Variants in CCP110 observed in about 807,000 individuals in gnomAD.
CCP110 encodes centriolar coiled-coil protein of 110 kDa.
Under a neutral mutation model 105.5 loss-of-function variants are expected in CCP110, and 43 were observed. That is an observed-to-expected ratio of 0.41 (90% CI 0.32 to 0.53). CCP110 has a LOEUF of 0.53. Ranked by LOEUF, CCP110 falls within the 20% of genes least tolerant of loss-of-function variation. The pLI, the probability that CCP110 is intolerant of heterozygous loss-of-function variation, is 0.32. For missense variants in CCP110, 1,016 were observed against 1,189.1 expected (o/e 0.85, Z 2.14); for synonymous variants, 353 against 392.1 (o/e 0.90, Z 1.18).
exon 4 of CCP110, chr16:19,537,257 A>G (rs1970104764): frequency 1.2e-6 from 2 of 1,614,056 alleles, no homozygotes; most frequent in African/African-American, 1.3e-5. Context: ...GCCAGCCAGT[A>G]TGTTAGAGAA....
chr16:19,547,863 C>A, intron 12 of CCP110, 92 bp from the exon 13 acceptor site: 1 of 885,932 alleles, frequency 1.1e-6, no homozygotes, highest in African/African-American at 1.6e-5. Flanking sequence ...TTGACCTTTA[C>A]CTTACAGTCA....
At chr16:19,525,127 T>A (rs1467583167) in intron 1 of CCP110, 2 of 152,018 alleles carry the variant, frequency 1.3e-5, no homozygotes, top group African/African-American at 4.8e-5. Flanking sequence ...TTGGCGGAAC[T>A]GATGGGCAAA....
chr16:19,546,358 A>T (rs567930803), intron 11 of CCP110, 54 bp from the exon 12 acceptor site: 1 of 1,010,316 alleles, frequency 9.9e-7, no homozygotes, highest in South Asian at 1.4e-5. Flanking sequence ...ATTTGTAAGC[A>T]TGTTTTCTTC....
chr16:19,536,201 A>G, exon 4 of CCP110: 1 of 1,614,148 alleles, frequency 6.2e-7, no homozygotes, highest in Non-Finnish European at 8.5e-7. Flanking sequence ...TGATAGTTCC[A>G]ATATTAGTCA....
exon 15 of CCP110, chr16:19,552,008 C>T (rs1970656576): frequency 6.6e-6 from 1 of 152,218 alleles, no homozygotes; most frequent in African/African-American, 2.4e-5. Flanking sequence ...TGCATTATTA[C>T]ATCCATTTCT....
At chr16:19,547,889 TGAAAGAAAATGG>T (rs1970514364) in intron 12 of CCP110, 54 bp from the exon 13 acceptor site, 3 of 1,149,756 alleles carry the variant, frequency 2.6e-6, no homozygotes, top group Non-Finnish European at 4.0e-6. Context: ...TTTCATCCGT[TGAAAGAAAATGG>T]GAAAAAATGG....
chr16:19,527,735 T>G (rs567387783), intron 1 of CCP110, 132 bp from the exon 2 acceptor site: 2 of 553,788 alleles, frequency 3.6e-6, no homozygotes, highest in South Asian at 8.6e-5. Context: ...TCCTGATCAG[T>G]AAGACAATTC....
intron 2 of CCP110, 136 bp downstream of exon 2, chr16:19,528,158 C>T (rs1258033534): frequency 2.3e-5 from 16 of 693,378 alleles, no homozygotes; most frequent in Non-Finnish European, 3.4e-5. Flanking sequence ...AATGAATTAG[C>T]ATTTTTTACT....
intron 5 of CCP110, among the ~76,000 whole-genome samples, 162 bp downstream of exon 5, chr16:19,540,949 T>A (rs1230039081): frequency 6.6e-6 from 1 of 152,222 alleles, no homozygotes; most frequent in African/African-American, 2.4e-5. Context: ...AAATATGAAT[T>A]TTGATATTTA....
intron 1 of CCP110, among the ~76,000 whole-genome samples, chr16:19,524,310 C>T (rs985204766): frequency 6.6e-6 from 1 of 152,064 alleles, no homozygotes; most frequent in Non-Finnish European, 1.5e-5. Context: ...CTGGAGGGCC[C>T]TCGGTTTGGA....
exon 15 of CCP110, chr16:19,552,630 G>A (rs1053279436): frequency 7.9e-5 from 12 of 151,682 alleles, no homozygotes; most frequent in African/African-American, 2.9e-4. Context: ...TTTCCAAAAA[G>A]GGCTTTGTGC....
chr16:19,537,204 A>G lies in CCP110; in HGVS notation c.1535A>G (p.Gln512Arg), dbSNP rs151214000. Residue 512 changes from glutamine to arginine, a missense_variant, in exon 4 of 15, where the codon CAG becomes CGG. Coordinates refer to ENST00000381396, the Ensembl canonical transcript of CCP110. ...CTGCATGAACCATATGCCAGCAGTC[A>G]GTGTATAGCAAGTCCAAACTTTGGA... 1,251 of 1,614,204 alleles carry G rather than the reference A, an allele frequency of 7.7e-4. 1 individual carries two copies. The highest frequency in any genetic ancestry group is 9.5e-4 in the Non-Finnish European group (1,118 of 1,180,042).
chr16:19,544,220 A>T (rs1970386096), intron 8 of CCP110, among the ~76,000 whole-genome samples: 2 of 152,170 alleles, frequency 1.3e-5, no homozygotes, highest in Admixed American at 1.3e-4. Context: ...ATGTTGAAAT[A>T]TTGGGGGCTG....
Position 19,548,530 on chromosome 16 carries a change from A to T in CCP110, c.2916A>T (p.Ser972=). ...ATTCAATTAGAACCCCTAAGACATCAGTGAAGGGGGTTGTGCAAAATAGAC... is the reference window on the plus strand; with the variant it reads ...ATTCAATTAGAACCCCTAAGACATCTGTGAAGGGGGTTGTGCAAAATAGAC... Residue 972 remains serine (S), a synonymous_variant, in exon 14 of 15, where the codon TCA becomes TCT. Transcript: ENST00000381396. The surrounding 1 kb of genome is among the most constrained non-coding windows in gnomAD (Gnocchi z 4.1). 6.5e-7 allele frequency: 1 copy of T among 1,545,936 alleles called. No homozygotes were observed. Among genetic ancestry groups the T allele is most frequent in the Non-Finnish European group, 8.7e-7 (1 of 1,143,308 alleles).
At chr16:19,541,776 A>G in intron 5 of CCP110, 111 bp from the exon 6 acceptor site, 2 of 523,572 alleles carry the variant, frequency 3.8e-6, no homozygotes, top group Non-Finnish European at 6.5e-6. Flanking sequence ...AAAACTTGAA[A>G]TAAATAATAA....
In CCP110 at chr16:19,532,320, C is replaced by G. The variant is rs919087554; in HGVS notation, c.142-96C>G. 7 of 1,010,476 alleles carry G rather than the reference C, an allele frequency of 6.9e-6. No individual in the cohort carries two copies. In the African/African-American group the frequency reaches 1.1e-4, roughly 17 times the overall value. The allele number at this position is 1,010,476 out of a possible 1,614,324, so 62.6% of individuals were successfully genotyped here. ...TTCTTTCACTATACATTAGTTTTGCCTGTTGCACATGTTTTTAATCTTTCT... is the reference window on the plus strand; with the variant it reads ...TTCTTTCACTATACATTAGTTTTGCGTGTTGCACATGTTTTTAATCTTTCT... On this transcript the variant is annotated intron_variant, in intron 2 of 14. Transcript: ENST00000381396.
In CCP110 at chr16:19,536,522, T is replaced by C; in HGVS notation, c.853T>C (p.Cys285Arg). 3.1e-6 allele frequency: 5 copies of C among 1,614,126 alleles called. 1 individual carries two copies. In the East Asian group the frequency reaches 1.1e-4, roughly 36 times the overall value. Residue 285 changes from cysteine (C) to arginine (R), a missense_variant, in exon 4 of 15, where the codon TGT becomes CGT. Physicochemically the swap from Cys to Arg is radical, Grantham distance 180. Transcript: ENST00000381396. The stretch of plus-strand genomic sequence containing the variant: ...GAAAGGCCAGTTGACAGGCAAACAC[T>C]GTGTCTCAGTTATTCCTGACAAACC...
chr16:19,536,292 A>G (rs749875348), exon 4 of CCP110: 1 of 1,613,566 alleles, frequency 6.2e-7, no homozygotes, highest in South Asian at 1.1e-5. Context: ...TTCTCAGTAA[A>G]TGAACAACAG....
Position 19,548,155 on chromosome 16 carries a change from T to A in CCP110, c.2900+141T>A. 1 of 710,690 alleles carries A rather than the reference T, an allele frequency of 1.4e-6. No individual in the cohort carries two copies. The highest frequency in any genetic ancestry group is 2.5e-6 in the Non-Finnish European group (1 of 399,696). The allele number at this position is 710,690 out of a possible 1,614,324, so 44.0% of individuals were successfully genotyped here. A position where few individuals can be genotyped will look rare whatever the true frequency, so the allele number is the denominator to read the frequency against. On this transcript the variant is annotated intron_variant, in intron 13 of 14. Coordinates refer to ENST00000381396, the Ensembl canonical transcript of CCP110. The surrounding 1 kb of genome is among the most constrained non-coding windows in gnomAD (Gnocchi z 4.1). ...TTTCTTTATAGCATTGGGAAAGATA[T>A]TTTAAAGTTTTGTCTTCAAATGTAA...
Sources: allele counts gnomAD v4.1 joint callset (sites outside exome capture counted in the v4.1 genomes callset), GRCh38; gene constraint gnomAD v4.1.1; non-coding constraint Gnocchi (gnomAD v3.1); transcripts MANE v1.5; gene names NCBI Gene and HGNC (gene_info 2026-07-23, HGNC 2026-07-21).